The following PPM1H variants were observed in gnomAD, a reference collection of about 807,000 sequenced individuals.
The protein encoded by PPM1H is protein phosphatase, Mg2+/Mn2+ dependent 1H, also known as protein phosphatase 1H.
PPM1H carries 27 observed loss-of-function variants against 54.9 expected under a neutral mutation model. The observed-to-expected ratio is 0.49, with a 90% CI of 0.36 to 0.68. The LOEUF (loss-of-function observed/expected upper bound fraction) is 0.68, where lower values mean the gene tolerates loss of function less well. PPM1H is among the 30% of genes least tolerant of loss of function. The probability of loss-of-function intolerance (pLI) is 0.00; values close to 1 mark genes in which losing one functional copy is unlikely to be tolerated. For synonymous variants in PPM1H, 305 were observed against 270.8 expected (o/e 1.13, Z -1.24); for missense variants, 596 against 667.8 (o/e 0.89, Z 1.19).
At position 62,689,800 on chromosome 12, in the gene PPM1H, C is replaced by T. The variant is rs2076073495; in HGVS notation, c.1144G>A (p.Val382Ile). Residue 382 changes from valine to isoleucine, a missense_variant, in exon 8 of 10, where the codon GTA becomes ATA. By Grantham distance (29) the Val-to-Ile change is conservative (BLOSUM62 3). Around this residue, in one of 3 missense-constraint regions of PPM1H, gnomAD observed 208 missense variants for 259.5 expected, o/e 0.80. Coordinates refer to ENST00000228705, the MANE Select transcript of PPM1H (RefSeq NM_020700.2). Reference protein sequence around the residue: ...LIYGEGKKARVMATIGVTRGL... With the variant: ...LIYGEGKKARIMATIGVTRGL... ...CTGGTCACTCCAATAGTTGCCATTA[C>T]CCGGGCCTAGGAGTATAAGCAGAGG... 2 of 1,611,968 alleles carry T rather than the reference C, an allele frequency of 1.2e-6. No individual in the cohort carries two copies. Among genetic ancestry groups the T allele is most frequent in the Non-Finnish European group, 8.5e-7 (1 of 1,178,756 alleles).
chr12:62,893,069 G>T (rs1870856045), intron 1 of PPM1H, among the ~76,000 whole-genome samples: 1 of 152,146 alleles, frequency 6.6e-6, no homozygotes, highest in Non-Finnish European at 1.5e-5. Context: ...TGGTCCAGTG[G>T]GTCAAATCTG....
At chr12:62,839,040 G>A (rs1448377213) in intron 1 of PPM1H, among the ~76,000 whole-genome samples, 1 of 151,944 alleles carries the variant, frequency 6.6e-6, no homozygotes, top group Non-Finnish European at 1.5e-5. Context: ...TCCATGACCA[G>A]GGAGAAGAAA....
At chr12:62,659,688 C>T (rs370668) in intron 9 of PPM1H, among the ~76,000 whole-genome samples, 1 of 152,216 alleles carries the variant, frequency 6.6e-6, no homozygotes, top group Non-Finnish European at 1.5e-5. Flanking sequence ...AGCCCCTAGT[C>T]TTGCCTGTCT....
intron 4 of PPM1H, among the ~76,000 whole-genome samples, chr12:62,748,531 C>CACACACACACACACAA (rs1565777158): frequency 1.8e-4 from 5 of 27,292 alleles, no homozygotes; most frequent in Non-Finnish European, 2.6e-4. Context: ...CAGTGTAGAA[C>CACACACACACACACAA]ACACACACAC....
At chr12:62,803,941 G>A (rs2076788220) in intron 2 of PPM1H, among the ~76,000 whole-genome samples, 1 of 152,114 alleles carries the variant, frequency 6.6e-6, no homozygotes, top group Non-Finnish European at 1.5e-5. Context: ...AAAATAAATG[G>A]CCAGCAGGCT....
At chr12:62,749,657 T>C (rs1850650128) in intron 4 of PPM1H, among the ~76,000 whole-genome samples, 1 of 152,236 alleles carries the variant, frequency 6.6e-6, no homozygotes, top group Non-Finnish European at 1.5e-5. Context: ...GGTGTATTTC[T>C]TGTCATTCAA....
chr12:62,688,116 G>C (rs1430582932), intron 8 of PPM1H, among the ~76,000 whole-genome samples: 1 of 152,116 alleles, frequency 6.6e-6, no homozygotes, highest in African/African-American at 2.4e-5. Flanking sequence ...GAAATTGGGA[G>C]AGTTAAAACT....
At chr12:62,709,950 A>G (rs952318894) in intron 6 of PPM1H, among the ~76,000 whole-genome samples, 2 of 152,084 alleles carry the variant, frequency 1.3e-5, no homozygotes, top group African/African-American at 4.8e-5. Context: ...CATGCCTGTA[A>G]TCCCAGCTAC....
At chr12:62,766,825 G>T (rs949189429) in intron 4 of PPM1H, among the ~76,000 whole-genome samples, 1 of 152,180 alleles carries the variant, frequency 6.6e-6, no homozygotes, top group Non-Finnish European at 1.5e-5. Context: ...GCTTTACCAG[G>T]GATAGATTTG....
At chr12:62,685,177 C>T (rs532448309) in intron 8 of PPM1H, among the ~76,000 whole-genome samples, 11 of 152,264 alleles carry the variant, frequency 7.2e-5, no homozygotes. Context: ...ACAATTCTGT[C>T]TGGTCTCGGT....
At position 62,885,837 on chromosome 12, in the gene PPM1H, C is replaced by T. The variant is rs546550374; in HGVS notation, c.245+48655G>A. 2.0e-5 allele frequency among the ~76,000 whole-genome samples: 3 copies of T among 152,340 alleles called. No individual in the cohort carries two copies. In the South Asian group the frequency reaches 6.2e-4, roughly 32 times the overall value. The stretch of plus-strand genomic sequence containing the variant: ...ATAATTTGCATATCTGTGCCATCTT[C>T]TCTTCTGGCTTATGTTGCTATGTTG... On this transcript the variant is annotated intron_variant, in intron 1 of 9. Coordinates refer to ENST00000228705, the MANE Select transcript of PPM1H (RefSeq NM_020700.2).
chr12:62,683,904 G>A (rs1181518160), intron 8 of PPM1H, among the ~76,000 whole-genome samples: 3 of 152,148 alleles, frequency 2.0e-5, no homozygotes, highest in Non-Finnish European at 4.4e-5. Context: ...TGGAGTTTTG[G>A]GCTGCCAGCC....
intron 6 of PPM1H, among the ~76,000 whole-genome samples, chr12:62,703,481 G>A (rs1054538366): frequency 7.3e-5 from 11 of 150,292 alleles, no homozygotes; most frequent in Admixed American, 1.3e-4. Context: ...CCAAGTCCTA[G>A]CCCGGCAGAG....
At chr12:62,695,358 G>C (rs904513905) in intron 6 of PPM1H, among the ~76,000 whole-genome samples, 5 of 152,022 alleles carry the variant, frequency 3.3e-5, no homozygotes. Context: ...AATCAATTAG[G>C]GCAAAATCTG....
At position 62,668,736 on chromosome 12, in the gene PPM1H, C is replaced by A. The variant is rs568893873; in HGVS notation, c.1246-1407G>T. Among the ~76,000 whole-genome samples the A allele has an allele frequency of 3.9e-5, 6 of 152,356 alleles. No homozygotes were observed. The East Asian group carries it at 1.2e-3, about 29-fold the overall frequency. ...AAAGCGATGGGTCAGGGCACATGTCCTATGGCACAGCCATTGTTATGTCAC... is the reference window on the plus strand; with the variant it reads ...AAAGCGATGGGTCAGGGCACATGTCATATGGCACAGCCATTGTTATGTCAC... On this transcript the variant is annotated intron_variant, in intron 8 of 9. Transcript: ENST00000228705.
At chr12:62,923,320 A>C (rs999080617) in intron 1 of PPM1H, among the ~76,000 whole-genome samples, 10 of 152,244 alleles carry the variant, frequency 6.6e-5, no homozygotes, top group Non-Finnish European at 1.3e-4. Context: ...TGTGAATTAC[A>C]GAATCTAGAT....
chr12:62,770,948 C>T (rs1476349547), intron 4 of PPM1H, among the ~76,000 whole-genome samples: 1 of 151,956 alleles, frequency 6.6e-6, no homozygotes, highest in African/African-American at 2.4e-5. Context: ...GGGCAGGCTC[C>T]AGGCCCAGCA....
chr12:62,707,641 A>T (rs2076182961), intron 6 of PPM1H, among the ~76,000 whole-genome samples: 1 of 152,236 alleles, frequency 6.6e-6, no homozygotes, highest in South Asian at 2.1e-4. Context: ...AAATGTTTTC[A>T]GTAATTGCCC....
At chr12:62,741,471 C>T (rs1369400433) in intron 4 of PPM1H, among the ~76,000 whole-genome samples, 2 of 152,204 alleles carry the variant, frequency 1.3e-5, no homozygotes, top group African/African-American at 4.8e-5. Flanking sequence ...CCAGCTTTTC[C>T]AGTTTCCTTT....
Sources: allele counts gnomAD v4.1 joint callset (sites outside exome capture counted in the v4.1 genomes callset), GRCh38; gene constraint gnomAD v4.1.1; regional missense constraint gnomAD v4.1.1; transcripts MANE v1.5; gene names NCBI Gene and HGNC (gene_info 2026-07-23, HGNC 2026-07-21).